Variants in PDZRN3 observed in about 807,000 individuals in gnomAD.
PDZRN3 encodes E3 ubiquitin-protein ligase PDZRN3.
In PDZRN3, 38 loss-of-function variants were observed where a neutral mutation model predicts 85.7. The observed-to-expected ratio is 0.44, with a 90% CI of 0.34 to 0.58. The LOEUF is 0.58. Among genes scored for constraint, PDZRN3 ranks in the 20% least tolerant of loss-of-function variants. PDZRN3 has a pLI of 0.01. For synonymous variants in PDZRN3, 759 were observed against 638.0 expected, an observed-to-expected ratio of 1.19 and a Z score of -2.86; for missense variants, 1,629 against 1,506.4, an observed-to-expected ratio of 1.08 and a Z score of -1.35.
intron 3 of PDZRN3, among the ~76,000 whole-genome samples, chr3:73,521,699 T>A (rs1357466840): frequency 3.9e-5 from 6 of 152,148 alleles, no homozygotes; most frequent in Non-Finnish European, 1.5e-5. Context: ...ATTATTATTA[T>A]TTTACCTCTT....
chr3:73,416,879 T>G (rs1559667686), intron 3 of PDZRN3, among the ~76,000 whole-genome samples: 1,473 of 13,498 alleles, frequency 0.11, 21 homozygotes, highest in African/African-American at 0.32. Flanking sequence ...TTTTTTGGTT[T>G]TTTTTTTTTT....
At chr3:73,610,361 C>G (rs964664904) in intron 1 of PDZRN3, among the ~76,000 whole-genome samples, 3 of 152,164 alleles carry the variant, frequency 2.0e-5, no homozygotes, top group African/African-American at 7.2e-5. Flanking sequence ...AAAAAATGTT[C>G]TGACAAACAG....
At chr3:73,622,913 G>A (rs923853934) in intron 1 of PDZRN3, among the ~76,000 whole-genome samples, 2 of 152,148 alleles carry the variant, frequency 1.3e-5, no homozygotes, top group African/African-American at 4.8e-5. Flanking sequence ...TTTATAGAAC[G>A]TGGGCTGGAA....
At chr3:73,573,803 A>T (rs1025665669) in intron 3 of PDZRN3, among the ~76,000 whole-genome samples, 1 of 90,014 alleles carries the variant, frequency 1.1e-5, no homozygotes, top group Non-Finnish European at 2.5e-5. Flanking sequence ...ATATACATAC[A>T]CATACACCTA....
At chr3:73,530,349 C>T (rs1279561848) in intron 3 of PDZRN3, among the ~76,000 whole-genome samples, 3 of 152,162 alleles carry the variant, frequency 2.0e-5, no homozygotes, top group Non-Finnish European at 4.4e-5. Context: ...GACAAAACCA[C>T]GATTATGTAC....
At chr3:73,476,749 G>A (rs549137581) in intron 3 of PDZRN3, among the ~76,000 whole-genome samples, 1 of 152,250 alleles carries the variant, frequency 6.6e-6, no homozygotes, top group African/African-American at 2.4e-5. Flanking sequence ...TATGTTGAGA[G>A]AAACTGAGGC....
At chr3:73,478,036 C>T (rs1703492199) in intron 3 of PDZRN3, among the ~76,000 whole-genome samples, 1 of 152,262 alleles carries the variant, frequency 6.6e-6, no homozygotes, top group East Asian at 1.9e-4. Flanking sequence ...ATGGGAATTA[C>T]AATTCAAGAT....
chr3:73,475,634 G>A lies in PDZRN3; in HGVS notation c.919-71239C>T, dbSNP rs187813752. On this transcript the variant is annotated intron_variant, in intron 3 of 9. Transcript: ENST00000263666. ...GCAGTGAATCCATCCCCAGAAAATC[G>A]GGGGAAAACACTCAGATGGGTGATT... 1.9e-4 allele frequency among the ~76,000 whole-genome samples: 29 copies of A among 152,266 alleles called. No homozygotes were observed. In the East Asian group the frequency reaches 5.4e-3, roughly 28 times the overall value.
chr3:73,434,606 G>A (rs1289115202), intron 3 of PDZRN3, among the ~76,000 whole-genome samples: 1 of 152,146 alleles, frequency 6.6e-6, no homozygotes, highest in East Asian at 1.9e-4. Flanking sequence ...CAACTAACTG[G>A]AAGGAAGAGA....
chr3:73,493,050 A>G (rs981777008), intron 3 of PDZRN3, among the ~76,000 whole-genome samples: 1 of 118,424 alleles, frequency 8.4e-6, no homozygotes, highest in Non-Finnish European at 1.7e-5. Flanking sequence ...AAATTTTATA[A>G]AGAATGAAAT....
rs1362943768 is a variant in PDZRN3, at chr3:73,624,367, G to A, written c.459C>T (p.Gly153=). Residue 153 remains glycine (G), a synonymous_variant, in exon 1 of 10, where the codon GGC becomes GGT. Coordinates refer to ENST00000263666, the MANE Select transcript of PDZRN3 (RefSeq NM_015009.3). ...QEGCGLPLTH[G]EQRAGGHCCA... ...AGCAGTGGCCGCCCGCGCGCTGCTC[G>A]CCGTGCGTCAAGGGTAGCCCGCAGC... 2.8e-5 allele frequency: 36 copies of A among 1,302,822 alleles called. No individual in the cohort carries two copies. In the South Asian group the frequency reaches 6.7e-4, roughly 24 times the overall value. 80.7% of individuals were successfully genotyped at this position (1,302,822 alleles called of 1,614,324 possible). A position where few individuals can be genotyped will look rare whatever the true frequency, so the allele number is the denominator to read the frequency against.
At chr3:73,568,677 T>A (rs1282890334) in intron 3 of PDZRN3, among the ~76,000 whole-genome samples, 1 of 152,208 alleles carries the variant, frequency 6.6e-6, no homozygotes, top group African/African-American at 2.4e-5. Context: ...AGAGGCAGCT[T>A]GGGACTTGCT....
chr3:73,482,988 T>C (rs139539758), intron 3 of PDZRN3, among the ~76,000 whole-genome samples: 2 of 152,314 alleles, frequency 1.3e-5, no homozygotes, highest in East Asian at 3.9e-4. Flanking sequence ...TATTTTACCG[T>C]AAATTAAACT....
At chr3:73,560,300 T>G (rs1320597997) in intron 3 of PDZRN3, among the ~76,000 whole-genome samples, 1 of 152,110 alleles carries the variant, frequency 6.6e-6, no homozygotes, top group Non-Finnish European at 1.5e-5. Context: ...CCATTATTAC[T>G]GTCCCCATTT....
intron 3 of PDZRN3, among the ~76,000 whole-genome samples, chr3:73,546,553 T>A (rs951164738): frequency 2.0e-5 from 3 of 152,242 alleles, no homozygotes; most frequent in African/African-American, 7.2e-5. Flanking sequence ...TACAAGCTTT[T>A]TTGTAATGGC....
rs1701308208 is a variant in PDZRN3 at position 73,384,436 on chromosome 3, C to G, written c.2130G>C (p.Gln710His). 4.3e-6 allele frequency: 7 copies of G among 1,611,774 alleles called. No homozygotes were observed. Among genetic ancestry groups the G allele is most frequent in the Non-Finnish European group, 5.9e-6 (7 of 1,180,024 alleles). The change falls in exon 10 of 10, where the codon CAG becomes CAC. Residue 710 changes from glutamine to histidine, a missense_variant. By Grantham distance (24) the Gln-to-His change is conservative. Transcript: ENST00000263666. Reference protein sequence around the residue: ...LSIVRAHKMQQLKEQYRESWM... With the variant: ...LSIVRAHKMQHLKEQYRESWM... ...AGGACTCGCGGTACTGCTCCTTGAGCTGCTGCATCTTGTGGGCGCGCACGA... is the reference window on the plus strand; with the variant it reads ...AGGACTCGCGGTACTGCTCCTTGAGGTGCTGCATCTTGTGGGCGCGCACGA...
At chr3:73,498,555 G>A (rs191024972) in intron 3 of PDZRN3, among the ~76,000 whole-genome samples, 1 of 152,046 alleles carries the variant, frequency 6.6e-6, no homozygotes, top group Admixed American at 6.5e-5. Flanking sequence ...CAGGAGAAAG[G>A]GGGAGATGCT....
intron 3 of PDZRN3, chr3:73,556,865 A>C (rs1005908078): frequency 6.6e-6 from 1 of 152,258 alleles, no homozygotes; most frequent in African/African-American, 2.4e-5. Context: ...CTGGAATTCC[A>C]CGCTGGGACC....
intron 3 of PDZRN3, among the ~76,000 whole-genome samples, chr3:73,505,384 T>C (rs1704052347): frequency 1.3e-5 from 2 of 152,186 alleles, no homozygotes; most frequent in South Asian, 2.1e-4. Flanking sequence ...ATCAAGATTT[T>C]TGTTATTGTT....
Sources: allele counts gnomAD v4.1 joint callset (sites outside exome capture counted in the v4.1 genomes callset), GRCh38; gene constraint gnomAD v4.1.1; transcripts MANE v1.5; gene names NCBI Gene and HGNC (gene_info 2026-07-23, HGNC 2026-07-21).